SHPRH: variants seen among roughly 807,000 people sequenced by gnomAD.
SHPRH encodes the protein SNF2 histone linker PHD RING helicase.
Under a neutral mutation model 202.5 loss-of-function variants are expected in SHPRH, and 106 were observed. The observed-to-expected ratio is 0.52, with a 90% CI of 0.45 to 0.62. SHPRH has a LOEUF of 0.62. Ranked by LOEUF, SHPRH falls within the 20% of genes least tolerant of loss-of-function variation. The pLI is 0.00. For missense variants in SHPRH, 1,710 were observed against 2,020.0 expected (o/e 0.85, Z 2.94); for synonymous variants, 729 against 686.0 (o/e 1.06, Z -0.98).
At chr6:145,891,747 G>C (rs1781583474) in intron 28 of SHPRH, among the ~76,000 whole-genome samples, 2 of 152,232 alleles carry the variant, frequency 1.3e-5, no homozygotes, top group South Asian at 4.1e-4. Context: ...ACTTAAGACA[G>C]ACTCCTCAGA....
chr6:145,923,128 A>T (rs1348413221), intron 18 of SHPRH, among the ~76,000 whole-genome samples: 4 of 151,930 alleles, frequency 2.6e-5, no homozygotes, highest in African/African-American at 9.7e-5. Flanking sequence ...TACGACTGCC[A>T]CATTCTTCCG....
Position 145,894,166 on chromosome 6 carries a change from C to T in SHPRH, c.4679G>A (p.Arg1560His), listed in dbSNP as rs375643591. 9.4e-6 allele frequency: 15 copies of T among 1,603,738 alleles called. No individual in the cohort carries two copies. Among genetic ancestry groups the T allele is most frequent in the African/African-American group, 2.7e-5 (2 of 74,106 alleles). The stretch of plus-strand genomic sequence containing the variant: ...TTAACATACCTGAAATGTCTTAACA[C>T]GACTGATTTGTGCAAATTCCATGTT... ...DNNMEFAQIS[R>H]VKTFQENLSA... The change falls in exon 27 of 30, where the codon CGT becomes CAT. Residue 1560 changes from arginine to histidine, a missense_variant. Physicochemically the swap from Arg to His is conservative, Grantham distance 29. This residue lies in a region of SHPRH where 306 missense variants were observed against 479.5 expected (regional missense o/e 0.64). Coordinates refer to ENST00000275233, the MANE Select transcript of SHPRH (RefSeq NM_001042683.3).
intron 25 of SHPRH, among the ~76,000 whole-genome samples, chr6:145,902,787 C>A (rs1031615687): frequency 6.6e-6 from 1 of 152,040 alleles, no homozygotes; most frequent in East Asian, 1.9e-4. Context: ...TTACTGAGTG[C>A]CTATTATATG....
intron 8 of SHPRH, among the ~76,000 whole-genome samples, chr6:145,944,971 T>C (rs1025078133): frequency 1.4e-4 from 21 of 152,112 alleles, no homozygotes; most frequent in Admixed American, 9.8e-4. Context: ...TAAGGCAAGA[T>C]GACAGCTTGG....
intron 17 of SHPRH, 108 bp from the exon 18 acceptor site, chr6:145,923,893 A>G (rs1236622116): frequency 4.5e-6 from 5 of 1,109,890 alleles, no homozygotes; most frequent in East Asian, 2.5e-5. Context: ...AATAAATGCT[A>G]TTCTCAAAGG....
At chr6:145,956,597 A>G (rs1256554018) in intron 1 of SHPRH, among the ~76,000 whole-genome samples, 1 of 152,150 alleles carries the variant, frequency 6.6e-6, no homozygotes, top group Non-Finnish European at 1.5e-5. Flanking sequence ...GGAAATCTGG[A>G]TCCACACACA....
At chr6:145,859,378 T>C (rs554296884), downstream of SHPRH, among the ~76,000 whole-genome samples, 7 of 152,042 alleles carry the variant, frequency 4.6e-5, no homozygotes, top group Non-Finnish European at 7.4e-5. Context: ...TTTTATTTAG[T>C]ATGGCACTAG....
At chr6:145,925,123 C>T (rs1582710311) in intron 16 of SHPRH, among the ~76,000 whole-genome samples, 1 of 149,674 alleles carries the variant, frequency 6.7e-6, no homozygotes, top group Admixed American at 6.7e-5. Context: ...TTAGAATAAG[C>T]AAAGAGGGGA....
intron 24 of SHPRH, 113 bp from the exon 25 acceptor site, chr6:145,910,749 T>G: frequency 9.3e-7 from 1 of 1,072,522 alleles, no homozygotes; most frequent in Non-Finnish European, 1.3e-6. Context: ...ACATTAATAT[T>G]CTTTGTCATA....
At chr6:145,928,463 T>C (rs1293916436) in intron 14 of SHPRH, among the ~76,000 whole-genome samples, 2 of 151,926 alleles carry the variant, frequency 1.3e-5, no homozygotes, top group African/African-American at 4.8e-5. Context: ...ACATACTTTC[T>C]TTTAAAAAAA....
chr6:145,934,278 C>A (rs1785798789), intron 13 of SHPRH, among the ~76,000 whole-genome samples: 1 of 151,834 alleles, frequency 6.6e-6, no homozygotes, highest in South Asian at 2.1e-4. Flanking sequence ...ACCAGCCTGA[C>A]CAACATGATG....
intron 25 of SHPRH, chr6:145,905,355 G>T (rs1583348665): frequency 6.6e-6 from 1 of 152,140 alleles, no homozygotes; most frequent in African/African-American, 2.4e-5. Flanking sequence ...GCAGGATAAA[G>T]AATAACTGTC....
At chr6:145,879,838 G>C (rs1315539759), downstream of SHPRH, among the ~76,000 whole-genome samples, 2 of 151,250 alleles carry the variant, frequency 1.3e-5, no homozygotes, top group African/African-American at 4.9e-5. Context: ...CTGGAACCCG[G>C]GAGTAGGAGG....
intron 6 of SHPRH, among the ~76,000 whole-genome samples, chr6:145,946,664 G>A (rs976121006): frequency 3.3e-5 from 5 of 151,880 alleles, no homozygotes; most frequent in African/African-American, 9.7e-5. Context: ...AATTAAAATA[G>A]TAATGAGTAG....
downstream of SHPRH, among the ~76,000 whole-genome samples, chr6:145,881,189 G>C (rs775425035): frequency 1.3e-5 from 2 of 152,160 alleles, no homozygotes; most frequent in African/African-American, 2.4e-5. Context: ...AATAAAAACA[G>C]GCTATGGAAT....
rs1035285141 is a variant in SHPRH, at chr6:145,922,483, T to C, written c.3720-135A>G. ...ATTTTAGAAAAAACAAATCACATGGTTTTTCATACCTTGTCCTTGAGACTT... is the reference window on the plus strand; with the variant it reads ...ATTTTAGAAAAAACAAATCACATGGCTTTTCATACCTTGTCCTTGAGACTT... On this transcript the variant is annotated intron_variant, in intron 19 of 29. Coordinates refer to ENST00000275233, the MANE Select transcript of SHPRH (RefSeq NM_001042683.3). 5 of 1,247,232 alleles carry C rather than the reference T, an allele frequency of 4.0e-6. No individual in the cohort carries two copies. In the African/African-American group the frequency reaches 8.0e-5, roughly 20 times the overall value. 77.3% of individuals were successfully genotyped at this position (1,247,232 alleles called of 1,614,324 possible). A position where few individuals can be genotyped will look rare whatever the true frequency, so the allele number is the denominator to read the frequency against.
In SHPRH at chr6:145,955,012, G is replaced by A; in HGVS notation, c.311C>T (p.Ser104Phe). 2 of 1,613,516 alleles carry A rather than the reference G, an allele frequency of 1.2e-6. No homozygotes were observed. The highest frequency in any genetic ancestry group is 2.2e-5 in the South Asian group (2 of 91,076). ...PLSVKLNIVISPYHFDNSWKA... is the reference protein window; with the variant it reads ...PLSVKLNIVIFPYHFDNSWKA... ...CCAGGAATTATCAAAATGATAGGGA[G>A]AAATCACAATATTTAACTTTACAGA... The change falls in exon 2 of 30, where the codon TCT becomes TTT. Residue 104 changes from serine to phenylalanine, a missense_variant. Ser to Phe is a radical substitution (Grantham distance 155). This residue lies in a region of SHPRH where 459 missense variants were observed against 426.5 expected (regional missense o/e 1.08). Coordinates refer to ENST00000275233, the MANE Select transcript of SHPRH (RefSeq NM_001042683.3).
At chr6:145,883,245 T>A (rs1323021468), downstream of SHPRH, 2 of 152,154 alleles carry the variant, frequency 1.3e-5, no homozygotes, top group Admixed American at 1.3e-4. Context: ...GGTTTCAAGA[T>A]AACAAAGTCA....
At chr6:145,873,001 T>C (rs950941956) in intron 2 of SHPRH, among the ~76,000 whole-genome samples, 1 of 152,022 alleles carries the variant, frequency 6.6e-6, no homozygotes, top group Admixed American at 6.6e-5. Context: ...CATGGACACA[T>C]GGCGGGGAAC....
Sources: allele counts gnomAD v4.1 joint callset (sites outside exome capture counted in the v4.1 genomes callset), GRCh38; gene constraint gnomAD v4.1.1; regional missense constraint gnomAD v4.1.1; transcripts MANE v1.5; gene names NCBI Gene and HGNC (gene_info 2026-07-23, HGNC 2026-07-21).